Variants in MARK1 observed in about 807,000 individuals in gnomAD.
The protein encoded by MARK1 is serine/threonine-protein kinase MARK1.
Under a neutral mutation model 96.3 loss-of-function variants are expected in MARK1, and 40 were observed. That is an observed-to-expected ratio of 0.42 (90% confidence interval 0.32 to 0.54). The LOEUF is 0.54. Among genes scored for constraint, MARK1 ranks in the 20% least tolerant of loss-of-function variants. The probability of loss-of-function intolerance (pLI) is 0.16; values close to 1 mark genes in which losing one functional copy is unlikely to be tolerated. For synonymous variants in MARK1, 317 were observed against 341.2 expected (o/e 0.93, Z 0.78); for missense variants, 719 against 984.6 (o/e 0.73, Z 3.61).
chr1:220,660,959 A>G (rs913535536), intron 17 of MARK1, among the ~76,000 whole-genome samples: 5 of 152,212 alleles, frequency 3.3e-5, no homozygotes, highest in African/African-American at 9.7e-5. Flanking sequence ...CAAGAAAAAT[A>G]AAGCAGGCTA....
chr1:220,621,697 A>G (rs1667063866), intron 9 of MARK1, among the ~76,000 whole-genome samples: 1 of 152,104 alleles, frequency 6.6e-6, no homozygotes, highest in Non-Finnish European at 1.5e-5. Flanking sequence ...AAAATGGAAC[A>G]TCATGAATGT....
chr1:220,624,987 G>A (rs1051130330), intron 9 of MARK1, among the ~76,000 whole-genome samples: 1 of 152,162 alleles, frequency 6.6e-6, no homozygotes, highest in African/African-American at 2.4e-5. Flanking sequence ...TTCATGTCTA[G>A]TTCAGTCCTC....
At chr1:220,567,870 C>T (rs1308974647) in intron 1 of MARK1, among the ~76,000 whole-genome samples, 1 of 152,132 alleles carries the variant, frequency 6.6e-6, no homozygotes, top group South Asian at 2.1e-4. Flanking sequence ...TAAAGCTTAT[C>T]CTCTTAATTA....
In MARK1 at chr1:220,618,715, A is replaced by T; in HGVS notation, c.869A>T (p.Lys290Ile). Residue 290 changes from lysine to isoleucine, a missense_variant, in exon 9 of 18, where the codon AAA becomes ATA. Transcript: ENST00000366917. This position sits in a 1 kb window ranked among gnomAD's most constrained non-coding sequence, Gnocchi z 4.6. Reference protein sequence around the residue: ...MSTDCENLLKKLLVLNPIKRG... With the variant: ...MSTDCENLLKILLVLNPIKRG... ...ACAGACTGTGAAAATCTTCTGAAGAAATTATTAGTCCTGAATCCAATAAAG... is the reference window on the plus strand; with the variant it reads ...ACAGACTGTGAAAATCTTCTGAAGATATTATTAGTCCTGAATCCAATAAAG... The T allele has an allele frequency of 1.2e-6, 2 of 1,612,190 alleles. No homozygotes were observed. The highest frequency in any genetic ancestry group is 1.7e-6 in the Non-Finnish European group (2 of 1,179,156).
In MARK1 at chr1:220,603,947, A is replaced by G. The variant is rs527863440; in HGVS notation, c.425-120A>G. On this transcript the variant is annotated intron_variant, in intron 5 of 17. Transcript: ENST00000366917. ...ATGTGTTAGTTTGTAACTTACATAA[A>G]CTAGCAGAAAATTGTGGGCCAAAAG... The G allele has an allele frequency of 4.2e-3, 2,267 of 537,888 alleles. 3 individuals are homozygous for G. The highest frequency in any genetic ancestry group is 6.2e-3 in the Non-Finnish European group (1,895 of 305,358). The allele number at this position is 537,888 out of a possible 1,614,324, so 33.3% of individuals were successfully genotyped here. A position where few individuals can be genotyped will look rare whatever the true frequency, so the allele number is the denominator to read the frequency against.
At chr1:220,636,488 A>G (rs1244046188) in intron 13 of MARK1, among the ~76,000 whole-genome samples, 1 of 152,160 alleles carries the variant, frequency 6.6e-6, no homozygotes, top group Admixed American at 6.5e-5. Flanking sequence ...AGAAAATATA[A>G]AAGAAAACTA....
chr1:220,540,841 T>C (rs1661090171), intron 1 of MARK1, among the ~76,000 whole-genome samples: 1 of 152,184 alleles, frequency 6.6e-6, no homozygotes, highest in Non-Finnish European at 1.5e-5. Context: ...TCTAATCTTT[T>C]TTATTTCCTT....
intron 10 of MARK1, among the ~76,000 whole-genome samples, chr1:220,631,556 T>A (rs1363670299): frequency 6.6e-6 from 1 of 152,158 alleles, no homozygotes; most frequent in Non-Finnish European, 1.5e-5. Context: ...TTAGCAATGT[T>A]TATTCTCCCT....
At chr1:220,650,895 G>C (rs552694639) in intron 14 of MARK1, among the ~76,000 whole-genome samples, 175 bp downstream of exon 14, 141 of 152,312 alleles carry the variant, frequency 9.3e-4, no homozygotes, top group African/African-American at 3.2e-3. Context: ...AGAAGGATGG[G>C]AAAACATTTA....
intron 16 of MARK1, among the ~76,000 whole-genome samples, chr1:220,653,877 TAAAC>T (rs1046598930): frequency 2.6e-5 from 4 of 152,178 alleles, no homozygotes; most frequent in African/African-American, 9.7e-5. Context: ...CTAATCTACT[TAAAC>T]AATACAATTA....
At chr1:220,631,290 C>T (rs1667667865) in intron 10 of MARK1, among the ~76,000 whole-genome samples, 156 bp downstream of exon 10, 7 of 152,122 alleles carry the variant, frequency 4.6e-5, no homozygotes, top group Admixed American at 4.6e-4. Context: ...GAAAATTATA[C>T]ATTTCAAGTT....
At chr1:220,606,063 A>G (rs531303041) in intron 6 of MARK1, among the ~76,000 whole-genome samples, 15 of 152,290 alleles carry the variant, frequency 9.8e-5, no homozygotes, top group Admixed American at 4.6e-4. Context: ...TGGTAGTTCT[A>G]GTTCTAGATC....
chr1:220,590,909 G>A (rs1664941247), intron 3 of MARK1, among the ~76,000 whole-genome samples: 3 of 152,094 alleles, frequency 2.0e-5, no homozygotes, highest in African/African-American at 7.2e-5. Context: ...TGAGATATAG[G>A]AACCCAATGG....
Position 220,567,368 on chromosome 1 carries a change from T to C in MARK1, c.52-11986T>C, listed in dbSNP as rs184625807. On this transcript the variant is annotated intron_variant, in intron 1 of 17. Transcript: ENST00000366917. ...GTAGGCTAAAATCTTAGAAGTGGAG[T>C]TGCTGGCTCATGGAGTAAATACTAA... 2.4e-4 allele frequency among the ~76,000 whole-genome samples: 37 copies of C among 152,164 alleles called. No homozygotes were observed. The East Asian group carries it at 6.9e-3, about 29-fold the overall frequency.
chr1:220,626,208 G>T, intron 9 of MARK1: 1 of 554,938 alleles, frequency 1.8e-6, no homozygotes. Context: ...ACATTGTCTT[G>T]GCCATCCTGG....
At chr1:220,636,842 G>A (rs1174202028) in intron 13 of MARK1, among the ~76,000 whole-genome samples, 1 of 151,662 alleles carries the variant, frequency 6.6e-6, no homozygotes, top group Non-Finnish European at 1.5e-5. Context: ...GGTGGAGCTT[G>A]CAGTGAGCTG....
At chr1:220,598,217 A>G (rs1665501821) in intron 3 of MARK1, 114 bp from the exon 4 acceptor site, 2 of 380,468 alleles carry the variant, frequency 5.3e-6, no homozygotes, top group East Asian at 8.7e-5. Flanking sequence ...ATGCATTGCC[A>G]GAATCCTGTA....
chr1:220,582,573 T>C (rs1372984420), intron 3 of MARK1, among the ~76,000 whole-genome samples: 2 of 29,392 alleles, frequency 6.8e-5, no homozygotes, highest in African/African-American at 1.3e-4. Flanking sequence ...TGGGTTACTC[T>C]GGCAAATTGA....
At chr1:220,546,434 G>C (rs2102728536) in intron 1 of MARK1, among the ~76,000 whole-genome samples, 2 of 152,242 alleles carry the variant, frequency 1.3e-5, no homozygotes, top group South Asian at 4.1e-4. Context: ...AGAAGAATAG[G>C]ATGATAAAAA....
Sources: allele counts gnomAD v4.1 joint callset (sites outside exome capture counted in the v4.1 genomes callset), GRCh38; gene constraint gnomAD v4.1.1; non-coding constraint Gnocchi (gnomAD v3.1); transcripts MANE v1.5; gene names NCBI Gene and HGNC (gene_info 2026-07-23, HGNC 2026-07-21).